Variants in ARL15 observed in about 807,000 individuals in gnomAD.
ARL15 encodes ADP-ribosylation factor-like protein 15.
Under a neutral mutation model 25.2 loss-of-function variants are expected in ARL15, and 19 were observed. The observed-to-expected ratio is 0.75, with a 90% CI of 0.53 to 1.10. ARL15 has a LOEUF of 1.10. Ranked by LOEUF, ARL15 falls within the 50% of genes least tolerant of loss-of-function variation. The probability of loss-of-function intolerance (pLI) is 0.00; values close to 1 mark genes in which losing one functional copy is unlikely to be tolerated. For synonymous variants in ARL15, 94 were observed against 86.8 expected, an observed-to-expected ratio of 1.08 and a Z score of -0.46; for missense variants, 220 against 246.0, an observed-to-expected ratio of 0.89 and a Z score of 0.71.
intron 4 of ARL15, among the ~76,000 whole-genome samples, chr5:53,944,429 G>T (rs186197446): frequency 6.6e-6 from 1 of 151,972 alleles, no homozygotes; most frequent in African/African-American, 2.4e-5. Flanking sequence ...TGGGCAACAC[G>T]GTGAAACTTC....
intron 4 of ARL15, among the ~76,000 whole-genome samples, chr5:54,042,627 G>A (rs763244773): frequency 2.0e-5 from 3 of 152,130 alleles, no homozygotes; most frequent in African/African-American, 7.2e-5. Context: ...TACATAACAC[G>A]TAGGGTTCTC....
chr5:54,163,346 T>G, intron 2 of ARL15, among the ~76,000 whole-genome samples: 1 of 143,312 alleles, frequency 7.0e-6, no homozygotes, highest in African/African-American at 2.6e-5. Context: ...TGAGGGCTAT[T>G]GGTATGAAGC....
intron 1 of ARL15, among the ~76,000 whole-genome samples, chr5:54,200,330 A>T (rs1755683928): frequency 2.0e-5 from 3 of 151,158 alleles, no homozygotes; most frequent in Admixed American, 6.6e-5. Context: ...GAAAAAAATA[A>T]ATAAAAAAAA....
In ARL15 at chr5:54,001,218, C is replaced by G. The variant is rs375242046; in HGVS notation, c.462+111984G>C. On this transcript the variant is annotated intron_variant, in intron 4 of 4. Transcript: ENST00000504924. Reference sequence around the variant, plus strand: ...GGTACTAGACTCAGTAATCCACCCTCCCTTTTATTCATTTCCTTGCATTAT... The same window carrying G: ...GGTACTAGACTCAGTAATCCACCCTGCCTTTTATTCATTTCCTTGCATTAT... 6.0e-4 allele frequency among the ~76,000 whole-genome samples: 92 copies of G among 152,306 alleles called. 2 individuals are homozygous for G. The South Asian group carries it at 0.017, about 28-fold the overall frequency.
intron 4 of ARL15, among the ~76,000 whole-genome samples, chr5:54,074,724 A>T (rs888352284): frequency 6.6e-6 from 1 of 152,164 alleles, no homozygotes; most frequent in Non-Finnish European, 1.5e-5. Flanking sequence ...GCAGAGTGAA[A>T]AATACATCTA....
intron 1 of ARL15, among the ~76,000 whole-genome samples, chr5:54,200,333 A>T (rs1328670161): frequency 2.7e-5 from 4 of 150,672 alleles, no homozygotes; most frequent in South Asian, 4.1e-4. Context: ...AAAAATAAAT[A>T]AAAAAAATTT....
At chr5:53,954,294 A>G (rs1747072330) in intron 4 of ARL15, among the ~76,000 whole-genome samples, 1 of 152,158 alleles carries the variant, frequency 6.6e-6, no homozygotes, top group Admixed American at 6.5e-5. Flanking sequence ...CTCTCCATCC[A>G]TCATCTGCAA....
chr5:54,282,120 G>A (rs1359840369), intron 1 of ARL15, among the ~76,000 whole-genome samples: 3 of 152,182 alleles, frequency 2.0e-5, no homozygotes, highest in African/African-American at 7.2e-5. Context: ...ATATGCTCAT[G>A]TTCAGCTTTA....
chr5:54,266,585 C>G (rs1757632984), intron 1 of ARL15, among the ~76,000 whole-genome samples: 1 of 152,162 alleles, frequency 6.6e-6, no homozygotes, highest in African/African-American at 2.4e-5. Context: ...TTATTCAATA[C>G]TCAGATCTGG....
chr5:54,157,895 T>TA (rs1241896450), intron 2 of ARL15, among the ~76,000 whole-genome samples: 2 of 152,192 alleles, frequency 1.3e-5, no homozygotes, highest in African/African-American at 4.8e-5. Context: ...AAAGTCTAGA[T>TA]AGACTGATTA....
chr5:53,931,086 A>C (rs1442380409), intron 4 of ARL15, among the ~76,000 whole-genome samples: 1 of 152,240 alleles, frequency 6.6e-6, no homozygotes, highest in Non-Finnish European at 1.5e-5. Context: ...ATAAATGTTT[A>C]AAGTCAGCTT....
chr5:54,210,603 C>CT (rs1269355781), intron 1 of ARL15, among the ~76,000 whole-genome samples: 5 of 152,154 alleles, frequency 3.3e-5, no homozygotes, highest in Non-Finnish European at 4.4e-5. Flanking sequence ...ATGACAAATC[C>CT]TTTGAGGCAT....
intron 3 of ARL15, among the ~76,000 whole-genome samples, chr5:54,139,780 T>A (rs751590213): frequency 2.0e-5 from 3 of 152,040 alleles, no homozygotes; most frequent in Non-Finnish European, 4.4e-5. Flanking sequence ...TGCAGTGAGC[T>A]GAGATCGTCC....
intron 4 of ARL15, among the ~76,000 whole-genome samples, chr5:53,897,356 T>C (rs1437643804): frequency 6.6e-6 from 1 of 152,242 alleles, no homozygotes; most frequent in Non-Finnish European, 1.5e-5. Context: ...TGGTCTTTTG[T>C]GTCTAGCTTC....
chr5:53,909,361 A>G (rs1448838220), intron 4 of ARL15, among the ~76,000 whole-genome samples: 1 of 152,208 alleles, frequency 6.6e-6, no homozygotes, highest in Non-Finnish European at 1.5e-5. Flanking sequence ...GAATAATTGG[A>G]CTTAAAATAA....
At chr5:54,099,052 C>A (rs895660076) in intron 4 of ARL15, among the ~76,000 whole-genome samples, 2 of 152,158 alleles carry the variant, frequency 1.3e-5, no homozygotes, top group African/African-American at 2.4e-5. Flanking sequence ...GGAGCACACA[C>A]AAGTGACATA....
intron 1 of ARL15, among the ~76,000 whole-genome samples, chr5:54,188,289 G>A (rs1403259191): frequency 6.6e-6 from 1 of 152,196 alleles, no homozygotes; most frequent in Non-Finnish European, 1.5e-5. Flanking sequence ...GGGAATGGGA[G>A]TGGGAGGGAA....
At chr5:54,025,649 A>G (rs906216325) in intron 4 of ARL15, among the ~76,000 whole-genome samples, 13 of 151,118 alleles carry the variant, frequency 8.6e-5, no homozygotes, top group African/African-American at 2.4e-4. Context: ...CTGGCAAGTT[A>G]TTTGTTTGTT....
chr5:53,952,437 C>T (rs188438994), intron 4 of ARL15, among the ~76,000 whole-genome samples: 5 of 152,062 alleles, frequency 3.3e-5, no homozygotes, highest in Non-Finnish European at 2.9e-5. Flanking sequence ...TAGCAAAGTT[C>T]CTTGATATGT....
Sources: gnomAD v4.1 joint callset for allele counts (sites outside exome capture counted in the v4.1 genomes callset) on GRCh38, gnomAD v4.1.1 for gene constraint, MANE v1.5 for transcripts, NCBI Gene and HGNC (gene_info 2026-07-23, HGNC 2026-07-21) for gene names.